DOK6: variants seen among roughly 807,000 people sequenced by gnomAD.
DOK6 encodes docking protein 6.
A neutral mutation model predicts 44.0 loss-of-function variants in DOK6; 22 were observed. The observed-to-expected ratio is 0.50, with a 90% CI of 0.36 to 0.71. DOK6 has a LOEUF of 0.71. DOK6 is among the 30% of genes least tolerant of loss of function. The pLI is 0.00. For synonymous variants in DOK6, 166 were observed against 145.5 expected (o/e 1.14, Z -1.01); for missense variants, 340 against 416.4 (o/e 0.82, Z 1.60).
intron 4 of DOK6, among the ~76,000 whole-genome samples, chr18:69,689,252 T>A (rs559962641): frequency 5.9e-5 from 9 of 152,318 alleles, no homozygotes; most frequent in African/African-American, 2.2e-4. Flanking sequence ...GCATTACATG[T>A]CTTGCTGTGC....
At chr18:69,502,535 G>A (rs1230056060) in intron 1 of DOK6, among the ~76,000 whole-genome samples, 1 of 152,140 alleles carries the variant, frequency 6.6e-6, no homozygotes, top group Non-Finnish European at 1.5e-5. Context: ...CAGCAGTGCT[G>A]AATGCAGAGA....
intron 1 of DOK6, among the ~76,000 whole-genome samples, chr18:69,531,762 T>G (rs929339125): frequency 1.3e-5 from 2 of 152,216 alleles, no homozygotes; most frequent in Admixed American, 1.3e-4. Context: ...CAGTGAAATA[T>G]TGCCATTACC....
rs1317179892 is a variant in DOK6, at chr18:69,841,529, T to C, written c.*146T>C. On this transcript the variant is annotated 3_prime_UTR_variant, in exon 8 of 8. Transcript: ENST00000382713. Reference sequence around the variant, plus strand: ...CCAGTCCCATTGGAAGGTTAAAAACTGGAGTTCTGCTTCCTTGATTCAGTG... The same window carrying C: ...CCAGTCCCATTGGAAGGTTAAAAACCGGAGTTCTGCTTCCTTGATTCAGTG... 1.8e-6 allele frequency: 2 copies of C among 1,102,008 alleles called. No homozygotes were observed. Among genetic ancestry groups the C allele is most frequent in the African/African-American group, 3.1e-5 (2 of 63,830 alleles). 68.3% of individuals were successfully genotyped at this position (1,102,008 alleles called of 1,614,324 possible).
At chr18:69,489,013 T>G (rs2144537937) in intron 1 of DOK6, among the ~76,000 whole-genome samples, 1 of 152,326 alleles carries the variant, frequency 6.6e-6, no homozygotes, top group South Asian at 2.1e-4. Context: ...GAGCTGTAGC[T>G]TAAGTTTTAT....
chr18:69,641,177 T>G (rs1012727164), intron 3 of DOK6, among the ~76,000 whole-genome samples: 6 of 151,002 alleles, frequency 4.0e-5, no homozygotes, highest in Admixed American at 3.3e-4. Context: ...ATCATGCTAC[T>G]GCACTCCAGC....
At chr18:69,472,237 C>G (rs1980133303) in intron 1 of DOK6, among the ~76,000 whole-genome samples, 1 of 152,156 alleles carries the variant, frequency 6.6e-6, no homozygotes, top group Non-Finnish European at 1.5e-5. Flanking sequence ...AACAGGTGGG[C>G]CTACTAACGT....
At chr18:69,727,390 A>C (rs1978315287) in intron 5 of DOK6, among the ~76,000 whole-genome samples, 1 of 152,236 alleles carries the variant, frequency 6.6e-6, no homozygotes, top group African/African-American at 2.4e-5. Flanking sequence ...CTCAACATTT[A>C]AGAATACATT....
intron 3 of DOK6, among the ~76,000 whole-genome samples, chr18:69,611,829 C>T (rs535973758): frequency 1.1e-3 from 171 of 152,182 alleles, no homozygotes; most frequent in Admixed American, 3.3e-3. Flanking sequence ...GGGGCTGGAA[C>T]CTTGGGGACA....
intron 5 of DOK6, among the ~76,000 whole-genome samples, chr18:69,706,539 T>C (rs1396563719): frequency 1.3e-5 from 2 of 151,988 alleles, no homozygotes; most frequent in Admixed American, 1.3e-4. Context: ...TTTATTATTA[T>C]TATACTTTAA....
Position 69,845,980 on chromosome 18 carries a change from C to T in DOK6, c.*4597C>T, listed in dbSNP as rs1982336958. On this transcript the variant is annotated 3_prime_UTR_variant, in exon 8 of 8. Transcript: ENST00000382713. ...TTATCGGTGAGACTGGTGTGCGGGG[C>T]TGGATCTGTGAGACAAGCTCACACT... is the stretch of plus-strand genomic sequence containing the variant. 6.6e-6 allele frequency: 1 copy of T among 152,182 alleles called. No homozygotes were observed. The highest frequency in any genetic ancestry group is 1.5e-5 in the Non-Finnish European group (1 of 68,048). The allele number at this position is 152,182 out of a possible 1,614,324, so 9.4% of individuals were successfully genotyped here.
intron 7 of DOK6, among the ~76,000 whole-genome samples, chr18:69,794,990 T>C (rs907003855): frequency 4.6e-5 from 7 of 152,126 alleles, no homozygotes; most frequent in Non-Finnish European, 8.8e-5. Flanking sequence ...GTGGGTTGTA[T>C]AATAATTTCA....
Position 69,744,076 on chromosome 18 carries a change from C to A in DOK6, c.738+4973C>A, listed in dbSNP as rs1034649122. Among the ~76,000 whole-genome samples the A allele has an allele frequency of 4.6e-5, 7 of 152,184 alleles. No individual in the cohort carries two copies. In the South Asian group the frequency reaches 6.2e-4, roughly 14 times the overall value. On this transcript the variant is annotated intron_variant, in intron 6 of 7. Coordinates refer to ENST00000382713, the MANE Select transcript of DOK6 (RefSeq NM_152721.6). Reference sequence around the variant, plus strand: ...AGAAAAAGAAAGAACATTGGGAGGCCAAGGCAGGTGGATCACCTGAGGTCA... The same window carrying A: ...AGAAAAAGAAAGAACATTGGGAGGCAAAGGCAGGTGGATCACCTGAGGTCA...
At chr18:69,431,832 G>A (rs1003693326) in intron 1 of DOK6, among the ~76,000 whole-genome samples, 5 of 152,208 alleles carry the variant, frequency 3.3e-5, no homozygotes, top group Admixed American at 6.5e-5. Flanking sequence ...GATAGTTTAA[G>A]GCTTACATAA....
chr18:69,622,555 A>G (rs1984466779), intron 3 of DOK6, among the ~76,000 whole-genome samples: 2 of 152,160 alleles, frequency 1.3e-5, no homozygotes, highest in Admixed American at 6.5e-5. Context: ...TAAATGTACT[A>G]CTTCTAAGAA....
chr18:69,809,417 G>A (rs375868253), intron 7 of DOK6, among the ~76,000 whole-genome samples: 65 of 151,460 alleles, frequency 4.3e-4, no homozygotes, highest in African/African-American at 1.5e-3. Flanking sequence ...CCACTTCTCT[G>A]TAACATAGTA....
chr18:69,670,759 C>T (rs1253824081), intron 3 of DOK6, among the ~76,000 whole-genome samples: 4 of 152,044 alleles, frequency 2.6e-5, no homozygotes, highest in East Asian at 1.9e-4. Flanking sequence ...CCTCCCACCC[C>T]GGCCTCCCAA....
At position 69,603,770 on chromosome 18, in the gene DOK6, CAAAAAAAAAAA is replaced by C. The variant is rs55654660; in HGVS notation, c.289+4288_289+4298del. On this transcript the variant is annotated intron_variant, in intron 3 of 7. Coordinates refer to ENST00000382713, the MANE Select transcript of DOK6 (RefSeq NM_152721.6). ...TGGGCGACAGAGCGAGACTCCGTCT[CAAAAAAAAAAA>C]AAAAAAAAAAAAAAAGGACATCTGT... 8.1e-5 allele frequency among the ~76,000 whole-genome samples: 6 copies of C among 74,346 alleles called. No homozygotes were observed. In the Admixed American group the frequency reaches 9.3e-4, roughly 12 times the overall value. 48.8% of individuals were successfully genotyped at this position (74,346 alleles called of 152,430 possible).
intron 6 of DOK6, among the ~76,000 whole-genome samples, chr18:69,743,828 A>C (rs74353742): frequency 3.1e-4 from 10 of 31,998 alleles, no homozygotes; most frequent in South Asian, 2.6e-3. Context: ...ATTAAAAAAA[A>C]AAAAAAAACA....
intron 1 of DOK6, among the ~76,000 whole-genome samples, chr18:69,420,411 TTACACACAG>T (rs1241335410): frequency 1.3e-5 from 2 of 152,286 alleles, no homozygotes; most frequent in African/African-American, 4.8e-5. Flanking sequence ...TTACTGTTTT[TTACACACAG>T]TACACCTTTA....
Sources: allele counts gnomAD v4.1 joint callset (sites outside exome capture counted in the v4.1 genomes callset), GRCh38; gene constraint gnomAD v4.1.1; transcripts MANE v1.5; gene names NCBI Gene and HGNC (gene_info 2026-07-23, HGNC 2026-07-21).